DMXL1: variants seen among roughly 807,000 people sequenced by gnomAD.
The protein encoded by DMXL1 is dmX-like protein 1.
Under a neutral mutation model 319.2 loss-of-function variants are expected in DMXL1, and 99 were observed. That is an observed-to-expected ratio of 0.31 (90% CI 0.26 to 0.37). The LOEUF is 0.37. DMXL1 is among the 10% of genes least tolerant of loss of function. The pLI is 1.00. For synonymous variants in DMXL1, 1,385 were observed against 1,235.2 expected, an observed-to-expected ratio of 1.12 and a Z score of -2.54; for missense variants, 3,745 against 3,595.6, an observed-to-expected ratio of 1.04 and a Z score of -1.06.
At position 119,203,347 on chromosome 5, in the gene DMXL1, A is replaced by G. The variant is rs751300403; in HGVS notation, c.7774A>G (p.Lys2592Glu). ...KSKHHLALSVKRLWQYLVKQE... is the reference protein window; with the variant it reads ...KSKHHLALSVERLWQYLVKQE... ...CAAACACCATCTGGCACTGTCTGTG[A>G]AGAGGCTTTGGCAGTATTTGGTGAA... Residue 2592 changes from lysine (K) to glutamate (E), a missense_variant, in exon 33 of 44, where the codon AAG becomes GAG. Coordinates refer to ENST00000539542, the MANE Select transcript of DMXL1 (RefSeq NM_001290321.3). The G allele has an allele frequency of 6.2e-7, 1 of 1,603,010 alleles. No individual in the cohort carries two copies. The highest frequency in any genetic ancestry group is 8.5e-7 in the Non-Finnish European group (1 of 1,175,794).
At chr5:119,082,611 G>T (rs1752488519) in intron 1 of DMXL1, among the ~76,000 whole-genome samples, 1 of 152,102 alleles carries the variant, frequency 6.6e-6, no homozygotes, top group Non-Finnish European at 1.5e-5. Flanking sequence ...CCTAATAGAT[G>T]TACATGCTTT....
chr5:119,218,273 A>C (rs1213356486), intron 35 of DMXL1, among the ~76,000 whole-genome samples: 1 of 152,090 alleles, frequency 6.6e-6, no homozygotes, highest in African/African-American at 2.4e-5. Context: ...ATGATTTAAA[A>C]TAGTCTGTGC....
intron 19 of DMXL1, among the ~76,000 whole-genome samples, chr5:119,155,843 A>C (rs866151834): frequency 2.0e-5 from 3 of 151,876 alleles, no homozygotes; most frequent in Non-Finnish European, 4.4e-5. Flanking sequence ...AAAAAAAAAA[A>C]ACAAAACTTC....
At chr5:119,112,994 T>G (rs1044820266) in intron 5 of DMXL1, among the ~76,000 whole-genome samples, 46 of 152,278 alleles carry the variant, frequency 3.0e-4, no homozygotes, top group African/African-American at 1.1e-3. Context: ...TATTTTGTCT[T>G]AAGGATATCC....
intron 34 of DMXL1, among the ~76,000 whole-genome samples, chr5:119,216,503 A>G (rs772712165): frequency 1.3e-5 from 2 of 152,238 alleles, no homozygotes; most frequent in Non-Finnish European, 1.5e-5. Context: ...TGTGGTCTGC[A>G]AAACCTAAAA....
intron 2 of DMXL1, among the ~76,000 whole-genome samples, 191 bp downstream of exon 2, chr5:119,098,295 A>AT (rs1756441121): frequency 1.3e-5 from 2 of 152,188 alleles, no homozygotes; most frequent in Non-Finnish European, 2.9e-5. Flanking sequence ...ATAATTTTAA[A>AT]TTATAGCATC....
chr5:119,221,131 C>A, intron 37 of DMXL1, 50 bp downstream of exon 37: 4 of 1,392,926 alleles, frequency 2.9e-6, no homozygotes, highest in Non-Finnish European at 3.9e-6. Context: ...TTTATTTTTC[C>A]CTCTAGGTTA....
intron 23 of DMXL1, among the ~76,000 whole-genome samples, chr5:119,169,525 G>C (rs1774134390): frequency 6.6e-6 from 1 of 152,144 alleles, no homozygotes; most frequent in African/African-American, 2.4e-5. Context: ...GGTGAACTTT[G>C]ATCAGAGAAC....
At chr5:119,220,819 C>A in intron 36 of DMXL1, 121 bp from the exon 37 acceptor site, 1 of 1,273,360 alleles carries the variant, frequency 7.9e-7, no homozygotes, top group Non-Finnish European at 1.1e-6. Flanking sequence ...GTGTGAGTTA[C>A]AAATAAGAGC....
chr5:119,163,866 C>T (rs1042881582), intron 19 of DMXL1, among the ~76,000 whole-genome samples: 2 of 152,016 alleles, frequency 1.3e-5, no homozygotes, highest in Non-Finnish European at 2.9e-5. Flanking sequence ...TGAGCCAGCG[C>T]GCCCGGCCTA....
chr5:119,124,093 G>C (rs60391796), intron 9 of DMXL1, among the ~76,000 whole-genome samples: 2 of 151,528 alleles, frequency 1.3e-5, no homozygotes, highest in African/African-American at 4.8e-5. Context: ...CAGATCACCT[G>C]AGGCCAGGAG....
intron 23 of DMXL1, among the ~76,000 whole-genome samples, chr5:119,169,838 G>A (rs1249664651): frequency 6.6e-6 from 1 of 152,182 alleles, no homozygotes; most frequent in African/African-American, 2.4e-5. Flanking sequence ...GTGTTCAAAG[G>A]TAGAGAAGAT....
chr5:119,108,558 G>C (rs1758860194), intron 4 of DMXL1, among the ~76,000 whole-genome samples: 1 of 152,078 alleles, frequency 6.6e-6, no homozygotes, highest in African/African-American at 2.4e-5. Flanking sequence ...CTAGTGTCTG[G>C]TACTACAAGT....
chr5:119,213,088 A>G (rs531162694), intron 34 of DMXL1, among the ~76,000 whole-genome samples: 1 of 152,332 alleles, frequency 6.6e-6, no homozygotes, highest in East Asian at 1.9e-4. Flanking sequence ...ACAAATCCAA[A>G]ATTAATATAA....
chr5:119,246,054 A>C (rs1227792334), intron 43 of DMXL1, among the ~76,000 whole-genome samples: 1 of 152,178 alleles, frequency 6.6e-6, no homozygotes, highest in East Asian at 1.9e-4. Context: ...GTTTCGCTAA[A>C]CCTAAAATAC....
chr5:119,169,460 A>G (rs934643968), intron 23 of DMXL1, among the ~76,000 whole-genome samples: 1 of 152,162 alleles, frequency 6.6e-6, no homozygotes, highest in Non-Finnish European at 1.5e-5. Context: ...AGATTGAACA[A>G]TAGGTAGATG....
In DMXL1 at chr5:119,120,942, A is replaced by G. The variant is rs757433981; in HGVS notation, c.934-29A>G. On this transcript the variant is annotated intron_variant, in intron 8 of 43. Transcript: ENST00000539542. ...ATACGTGTATGACTTTTGACAATAT[A>G]GGTATTAGTTTTGTTTCTATTCACA... 2.0e-5 allele frequency: 32 copies of G among 1,575,786 alleles called. 1 individual carries two copies. The South Asian group carries it at 2.5e-4, about 12-fold the overall frequency.
At chr5:119,241,614 A>G (rs779571224) in intron 42 of DMXL1, among the ~76,000 whole-genome samples, 3 of 151,438 alleles carry the variant, frequency 2.0e-5, no homozygotes, top group South Asian at 2.1e-4. Flanking sequence ...TTTGTGGTGC[A>G]TATCAAGCAA....
Position 119,198,068 on chromosome 5 carries a change from A to G in DMXL1, c.7745+112A>G, listed in dbSNP as rs1779977438. On this transcript the variant is annotated intron_variant, in intron 32 of 43. Transcript: ENST00000539542. ...CAGTGGCACAATCTCAGCTCACTGC[A>G]GCCTCTGCCTCCTGGGTTCAAGTGA... is the stretch of plus-strand genomic sequence containing the variant. The G allele has an allele frequency of 6.2e-6, 6 of 970,052 alleles. No individual in the cohort carries two copies. The Admixed American group carries it at 9.8e-5, about 16-fold the overall frequency. The allele number at this position is 970,052 out of a possible 1,614,324, so 60.1% of individuals were successfully genotyped here. A position where few individuals can be genotyped will look rare whatever the true frequency, so the allele number is the denominator to read the frequency against.
Sources: gnomAD v4.1 joint callset for allele counts (sites outside exome capture counted in the v4.1 genomes callset) on GRCh38, gnomAD v4.1.1 for gene constraint, MANE v1.5 for transcripts, NCBI Gene and HGNC (gene_info 2026-07-23, HGNC 2026-07-21) for gene names.